Variants in CSMD3 observed in about 807,000 individuals in gnomAD.
The protein encoded by CSMD3 is CUB and sushi domain-containing protein 3.
CSMD3 carries 177 observed loss-of-function variants against 435.2 expected under a neutral mutation model. The ratio of observed to expected loss-of-function variants is 0.41; its 90% CI spans 0.36 to 0.46. The LOEUF (loss-of-function observed/expected upper bound fraction) is 0.46, where lower values mean the gene tolerates loss of function less well. CSMD3 is among the 20% of genes least tolerant of loss of function. CSMD3 has a pLI of 0.34. For missense variants in CSMD3, 4,265 were observed against 4,504.6 expected, an observed-to-expected ratio of 0.95 and a Z score of 1.52; for synonymous variants, 1,656 against 1,520.5, an observed-to-expected ratio of 1.09 and a Z score of -2.07.
At chr8:112,374,469 G>T (rs567810666) in intron 38 of CSMD3, among the ~76,000 whole-genome samples, 1 of 152,086 alleles carries the variant, frequency 6.6e-6, no homozygotes, top group South Asian at 2.1e-4. Context: ...TATGTCACCA[G>T]TGTAGTCAAG....
chr8:112,297,232 C>A (rs1368422733), intron 53 of CSMD3, among the ~76,000 whole-genome samples: 2 of 137,392 alleles, frequency 1.5e-5, no homozygotes, highest in African/African-American at 5.3e-5. Flanking sequence ...TAATCATTAA[C>A]CCCAATAGTA....
intron 4 of CSMD3, among the ~76,000 whole-genome samples, chr8:113,160,780 C>T (rs141207259): frequency 2.4e-3 from 372 of 152,024 alleles, no homozygotes; most frequent in African/African-American, 8.4e-3. Context: ...ATAATAAATC[C>T]GTCTTCCATG....
intron 1 of CSMD3, among the ~76,000 whole-genome samples, chr8:113,424,266 G>A (rs1457179618): frequency 1.3e-5 from 2 of 151,626 alleles, no homozygotes. Context: ...TAGCATTGAT[G>A]AAATGACAGT....
In CSMD3 at chr8:113,286,456, T is replaced by A. The variant is rs190343049; in HGVS notation, c.402-7752A>T. On this transcript the variant is annotated intron_variant, in intron 2 of 70. Coordinates refer to ENST00000297405, the MANE Select transcript of CSMD3 (RefSeq NM_198123.2). Reference sequence around the variant, plus strand: ...TTAAAATGTCAATGAATATGTTTTTTAAATAATAAATTGTACGTTTAGAAT... The same window carrying A: ...TTAAAATGTCAATGAATATGTTTTTAAAATAATAAATTGTACGTTTAGAAT... 1.7e-4 allele frequency among the ~76,000 whole-genome samples: 26 copies of A among 152,258 alleles called. No individual in the cohort carries two copies. The East Asian group carries it at 4.4e-3, about 26-fold the overall frequency.
intron 5 of CSMD3, among the ~76,000 whole-genome samples, chr8:113,039,840 C>A (rs894734541): frequency 6.6e-6 from 1 of 152,258 alleles, no homozygotes; most frequent in South Asian, 2.1e-4. Flanking sequence ...TATTATAGTA[C>A]CTTCCTTTTA....
rs186456110 is a variant in CSMD3 at position 113,283,662 on chromosome 8, A to G, written c.402-4958T>C. Among the ~76,000 whole-genome samples the G allele has an allele frequency of 3.8e-3, 575 of 152,252 alleles. 7 individuals are homozygous for G. Among genetic ancestry groups the G allele is most frequent in the African/African-American group, 0.013 (554 of 41,550 alleles). ...TAATCTATTATAACTACTATGAAAA[A>G]CAGTGTGGAGATTCCTTAAAGAACT... On this transcript the variant is annotated intron_variant, in intron 2 of 70. Coordinates refer to ENST00000297405, the MANE Select transcript of CSMD3 (RefSeq NM_198123.2).
chr8:112,807,403 G>A (rs191367899), intron 12 of CSMD3, among the ~76,000 whole-genome samples: 1 of 152,174 alleles, frequency 6.6e-6, no homozygotes, highest in Admixed American at 6.5e-5. Context: ...CCTCTTATAC[G>A]ACATTTTGAA....
intron 10 of CSMD3, among the ~76,000 whole-genome samples, chr8:112,861,789 G>C (rs1326807001): frequency 6.6e-6 from 1 of 151,904 alleles, no homozygotes; most frequent in African/African-American, 2.4e-5. Context: ...TTGGTTTGTA[G>C]TGGCTATAGC....
At chr8:113,285,155 C>T (rs2093637013) in intron 2 of CSMD3, among the ~76,000 whole-genome samples, 1 of 152,050 alleles carries the variant, frequency 6.6e-6, no homozygotes, top group Non-Finnish European at 1.5e-5. Context: ...ATATTTCACC[C>T]ACATCACAAC....
At chr8:112,633,824 T>C (rs979609566) in intron 22 of CSMD3, among the ~76,000 whole-genome samples, 1 of 152,042 alleles carries the variant, frequency 6.6e-6, no homozygotes, top group Non-Finnish European at 1.5e-5. Flanking sequence ...ATAACCTATA[T>C]ACACACAAAT....
chr8:112,472,147 C>T (rs1191996208), intron 32 of CSMD3, among the ~76,000 whole-genome samples: 1 of 152,180 alleles, frequency 6.6e-6, no homozygotes, highest in Non-Finnish European at 1.5e-5. Flanking sequence ...AAACCAAAAA[C>T]TCTTCTTTCT....
intron 10 of CSMD3, among the ~76,000 whole-genome samples, chr8:112,880,098 T>C (rs1409443271): frequency 1.3e-5 from 2 of 151,960 alleles, no homozygotes; most frequent in Non-Finnish European, 2.9e-5. Context: ...AAAATATAAT[T>C]TTAAAAAGGC....
intron 5 of CSMD3, among the ~76,000 whole-genome samples, chr8:113,059,022 A>G (rs2131357026): frequency 6.6e-6 from 1 of 152,212 alleles, no homozygotes; most frequent in Non-Finnish European, 1.5e-5. Context: ...GAAATTAACA[A>G]ATTTATTCAA....
intron 22 of CSMD3, among the ~76,000 whole-genome samples, chr8:112,607,769 T>C (rs527654773): frequency 1.3e-5 from 2 of 152,050 alleles, no homozygotes; most frequent in Admixed American, 6.5e-5. Context: ...CCTTTCATGA[T>C]AAAAATTTCC....
In CSMD3 at chr8:113,016,031, A is replaced by G. The variant is rs533632350; in HGVS notation, c.1030+3036T>C. 1.1e-4 allele frequency among the ~76,000 whole-genome samples: 16 copies of G among 152,036 alleles called. No individual in the cohort carries two copies. In the South Asian group the frequency reaches 3.3e-3, roughly 31 times the overall value. Reference sequence around the variant, plus strand: ...AAAACAAAGACAAATATAATGACATAATATTGAAGTGAATTTGTGGGGGCA... The same window carrying G: ...AAAACAAAGACAAATATAATGACATGATATTGAAGTGAATTTGTGGGGGCA... On this transcript the variant is annotated intron_variant, in intron 6 of 70. Transcript: ENST00000297405.
intron 3 of CSMD3, among the ~76,000 whole-genome samples, chr8:113,235,324 T>C (rs1172110819): frequency 6.6e-6 from 1 of 152,128 alleles, no homozygotes; most frequent in Non-Finnish European, 1.5e-5. Flanking sequence ...AGGTTCTGCA[T>C]TACTGCTCTC....
At position 112,673,579 on chromosome 8, in the gene CSMD3, G is replaced by C. The variant is rs183473307; in HGVS notation, c.2678-7164C>G. Among the ~76,000 whole-genome samples the C allele has an allele frequency of 3.8e-4, 58 of 152,204 alleles. No homozygotes were observed. The East Asian group carries it at 0.011, about 28-fold the overall frequency. ...AAGAACCACAAATCAATTCTGATCT[G>C]TGTATCAAATTGTTACTCTAATTGC... On this transcript the variant is annotated intron_variant, in intron 16 of 70. Coordinates refer to ENST00000297405, the MANE Select transcript of CSMD3 (RefSeq NM_198123.2).
At chr8:113,063,157 G>C (rs2088691788) in intron 5 of CSMD3, among the ~76,000 whole-genome samples, 1 of 150,378 alleles carries the variant, frequency 6.6e-6, no homozygotes, top group South Asian at 2.1e-4. Context: ...AAAGCATCCA[G>C]CTAGAAAAAT....
intron 43 of CSMD3, 74 bp from the exon 44 acceptor site, chr8:112,336,903 T>A: frequency 8.3e-7 from 1 of 1,202,926 alleles, no homozygotes; most frequent in Non-Finnish European, 1.2e-6. Context: ...AAGGCAAACA[T>A]TTCACATATC....
Sources: allele counts gnomAD v4.1 joint callset (sites outside exome capture counted in the v4.1 genomes callset), GRCh38; gene constraint gnomAD v4.1.1; transcripts MANE v1.5; gene names NCBI Gene and HGNC (gene_info 2026-07-23, HGNC 2026-07-21).